ERG: variants seen among roughly 807,000 people sequenced by gnomAD.
ERG encodes the protein transcriptional regulator ERG.
In ERG, 9 loss-of-function variants were observed where a neutral mutation model predicts 55.3. The ratio of observed to expected loss-of-function variants is 0.16; its 90% CI spans 0.10 to 0.28. The LOEUF (loss-of-function observed/expected upper bound fraction) is 0.28, where lower values mean the gene tolerates loss of function less well. ERG is among the 10% of genes least tolerant of loss of function. ERG has a pLI of 1.00. For synonymous variants in ERG, 223 were observed against 237.3 expected (o/e 0.94, Z 0.55); for missense variants, 434 against 631.6 (o/e 0.69, Z 3.35).
chr21:38,650,842 C>T (rs1011150315), intron 1 of ERG, among the ~76,000 whole-genome samples: 4 of 152,164 alleles, frequency 2.6e-5, no homozygotes, highest in African/African-American at 9.7e-5. Context: ...CTGTCATGAT[C>T]AAATAGTGTG....
intron 1 of ERG, among the ~76,000 whole-genome samples, chr21:38,493,982 G>A (rs796140012): frequency 3.1e-4 from 47 of 152,174 alleles, no homozygotes; most frequent in South Asian, 1.0e-3. Context: ...TTACATCCGC[G>A]GGGGGGCGTC....
downstream of ERG, among the ~76,000 whole-genome samples, chr21:38,375,671 G>C (rs867537012): frequency 1.3e-5 from 2 of 152,312 alleles, no homozygotes; most frequent in Middle Eastern, 6.8e-3. Flanking sequence ...CCTGTAAACA[G>C]ACCTCAAAAC....
At chr21:38,468,982 C>CAAAAAAAAAAAAAAAAAAAAA (rs1261630693) in intron 1 of ERG, among the ~76,000 whole-genome samples, 9 of 28,992 alleles carry the variant, frequency 3.1e-4, no homozygotes, top group Non-Finnish European at 5.4e-4. Context: ...GACTCTGTCT[C>CAAAAAAAAAAAAAAAAAAAAA]AAAAAAAAAA....
chr21:38,578,787 G>C (rs2060010633), intron 1 of ERG, among the ~76,000 whole-genome samples: 1 of 152,142 alleles, frequency 6.6e-6, no homozygotes. Context: ...GGCTGAATAA[G>C]TGCTTACTGC....
At chr21:38,476,261 G>T (rs898760601) in intron 1 of ERG, among the ~76,000 whole-genome samples, 1 of 152,140 alleles carries the variant, frequency 6.6e-6, no homozygotes, top group Non-Finnish European at 1.5e-5. Context: ...CCTAAGTGTC[G>T]CTGTGTATTA....
chr21:38,576,644 C>T, intron 1 of ERG, among the ~76,000 whole-genome samples: 1 of 152,220 alleles, frequency 6.6e-6, no homozygotes, highest in Non-Finnish European at 1.5e-5. Context: ...AGTCTCCAAC[C>T]TCCCTTTGCT....
chr21:38,500,513 C>A (rs1246062685), upstream of ERG, among the ~76,000 whole-genome samples: 1 of 152,184 alleles, frequency 6.6e-6, no homozygotes, highest in African/African-American at 2.4e-5. Context: ...AGATAATACA[C>A]CAAACTCCTA....
In ERG at chr21:38,382,637, T is replaced by C. The variant is rs1355962831; in HGVS notation, c.*766A>G. ...CAAATGTCCTGAGTCCAGTCTTCATTGCTTGAGAAGTTTCTTTCCCAGCCC... is the reference window on the plus strand; with the variant it reads ...CAAATGTCCTGAGTCCAGTCTTCATCGCTTGAGAAGTTTCTTTCCCAGCCC... On this transcript the variant is annotated 3_prime_UTR_variant, in exon 10 of 10. Coordinates refer to ENST00000288319, the MANE Select transcript of ERG (RefSeq NM_182918.4). 9.4e-7 allele frequency: 1 copy of C among 1,066,746 alleles called. No homozygotes were observed. The highest frequency in any genetic ancestry group is 1.1e-6 in the Non-Finnish European group (1 of 880,030). The allele number at this position is 1,066,746 out of a possible 1,614,324, so 66.1% of individuals were successfully genotyped here.
intron 1 of ERG, among the ~76,000 whole-genome samples, chr21:38,583,102 A>G (rs2146879469): frequency 6.6e-6 from 1 of 152,374 alleles, no homozygotes; most frequent in East Asian, 1.9e-4. Flanking sequence ...ATTCATAGGA[A>G]TGAATCCATT....
rs1007254199 is a variant in ERG, at chr21:38,537,333, C to T, written c.-41+38329G>A. On this transcript the variant is annotated intron_variant, in intron 2 of 8. Transcript: ENST00000398897. Reference sequence around the variant, plus strand: ...AATTTGCCTGCACTAAAATTAAACACTTTTGTGAGTCAAACAAGCTATCAA... The same window carrying T: ...AATTTGCCTGCACTAAAATTAAACATTTTTGTGAGTCAAACAAGCTATCAA... Among the ~76,000 whole-genome samples the T allele has an allele frequency of 5.3e-5, 8 of 152,016 alleles. No individual in the cohort carries two copies. In the South Asian group the frequency reaches 6.2e-4, roughly 12 times the overall value.
intron 2 of ERG, among the ~76,000 whole-genome samples, chr21:38,531,503 T>C (rs2059672029): frequency 6.6e-6 from 1 of 151,912 alleles, no homozygotes; most frequent in African/African-American, 2.4e-5. Context: ...GCAAAACCTG[T>C]TTTGCTTTGG....
At chr21:38,481,822 G>C (rs1319535054) in intron 1 of ERG, among the ~76,000 whole-genome samples, 2 of 152,094 alleles carry the variant, frequency 1.3e-5, no homozygotes, top group Non-Finnish European at 2.9e-5. Flanking sequence ...TTTCAAAGAG[G>C]TGACTGTAGT....
At chr21:38,395,341 T>G (rs1445013233) in intron 6 of ERG, 1 of 227,806 alleles carries the variant, frequency 4.4e-6, no homozygotes, top group African/African-American at 2.2e-5. Flanking sequence ...AGTTCTGCTC[T>G]TGACTGCTTG....
intron 1 of ERG, among the ~76,000 whole-genome samples, chr21:38,596,222 T>C (rs1291416335): frequency 6.6e-6 from 1 of 152,252 alleles, no homozygotes; most frequent in Non-Finnish European, 1.5e-5. Flanking sequence ...TTCATAGTTT[T>C]AATCACTAGG....
At chr21:38,521,126 C>A (rs1348591927) in intron 2 of ERG, among the ~76,000 whole-genome samples, 1 of 152,048 alleles carries the variant, frequency 6.6e-6, no homozygotes, top group African/African-American at 2.4e-5. Context: ...AGCACAGAGT[C>A]GAGGAGGAGG....
chr21:38,506,316 G>A (rs1017644562), intron 2 of ERG, among the ~76,000 whole-genome samples: 5 of 152,094 alleles, frequency 3.3e-5, no homozygotes, highest in East Asian at 1.9e-4. Context: ...CAATACTGAC[G>A]TCAGTGCTAG....
chr21:38,596,640 A>C (rs1390993563), intron 1 of ERG, among the ~76,000 whole-genome samples: 3 of 152,244 alleles, frequency 2.0e-5, no homozygotes, highest in Middle Eastern at 3.2e-3. Context: ...GCAAGCTAAT[A>C]TCTGTTGTAA....
chr21:38,661,061 G>A (rs2060552591), intron 1 of ERG, among the ~76,000 whole-genome samples: 1 of 151,960 alleles, frequency 6.6e-6, no homozygotes, highest in Non-Finnish European at 1.5e-5. Context: ...AGGAGCAGAG[G>A]CTGGGACGGC....
intron 2 of ERG, among the ~76,000 whole-genome samples, chr21:38,544,557 G>A (rs1397303643): frequency 6.6e-6 from 1 of 152,156 alleles, no homozygotes; most frequent in Non-Finnish European, 1.5e-5. Context: ...AACTAAACAT[G>A]ACTCTTCAAA....
Sources: allele counts gnomAD v4.1 joint callset (sites outside exome capture counted in the v4.1 genomes callset), GRCh38; gene constraint gnomAD v4.1.1; transcripts MANE v1.5; gene names NCBI Gene and HGNC (gene_info 2026-07-23, HGNC 2026-07-21).